The following SLC8A3 variants were observed in gnomAD, a reference collection of about 807,000 sequenced individuals.
SLC8A3 encodes the protein solute carrier family 8 member A3, also known as sodium/calcium exchanger 3.
Under a neutral mutation model 65.4 loss-of-function variants are expected in SLC8A3, and 37 were observed. That is an observed-to-expected ratio of 0.57 (90% CI 0.44 to 0.74). The LOEUF (loss-of-function observed/expected upper bound fraction) is 0.74. Among genes scored for constraint, SLC8A3 ranks in the 30% least tolerant of loss-of-function variants. The probability of loss-of-function intolerance (pLI) is 0.00; values close to 1 mark genes in which losing one functional copy is unlikely to be tolerated. For synonymous variants in SLC8A3, 461 were observed against 444.5 expected (o/e 1.04, Z -0.47); for missense variants, 1,112 against 1,172.1 (o/e 0.95, Z 0.75).
chr14:70,096,032 C>T (rs2140086043), intron 2 of SLC8A3, among the ~76,000 whole-genome samples: 1 of 152,202 alleles, frequency 6.6e-6, no homozygotes, highest in Non-Finnish European at 1.5e-5. Context: ...CAGGTGTGTG[C>T]CACCACGCCC....
intron 2 of SLC8A3, among the ~76,000 whole-genome samples, chr14:70,101,555 G>A (rs1892555048): frequency 1.3e-5 from 2 of 152,148 alleles, no homozygotes; most frequent in African/African-American, 4.8e-5. Context: ...GTTATTCTAA[G>A]AGCAATGGAA....
At chr14:70,077,813 C>T (rs1458387268) in intron 2 of SLC8A3, among the ~76,000 whole-genome samples, 1 of 152,242 alleles carries the variant, frequency 6.6e-6, no homozygotes, top group Non-Finnish European at 1.5e-5. Context: ...TTCCTTTACT[C>T]TTTTGCCTGG....
intron 2 of SLC8A3, among the ~76,000 whole-genome samples, chr14:70,122,440 T>G (rs1894137212): frequency 6.6e-6 from 1 of 152,062 alleles, no homozygotes; most frequent in Non-Finnish European, 1.5e-5. Flanking sequence ...TCTGATGAGC[T>G]CTGATGTCAG....
intron 2 of SLC8A3, among the ~76,000 whole-genome samples, chr14:70,098,175 C>T (rs565602174): frequency 2.0e-5 from 3 of 152,202 alleles, no homozygotes; most frequent in Non-Finnish European, 4.4e-5. Context: ...TGGCAAGTGT[C>T]CATGGGCTTC....
At chr14:70,182,147 C>A (rs1161713834) in intron 1 of SLC8A3, among the ~76,000 whole-genome samples, 1 of 152,010 alleles carries the variant, frequency 6.6e-6, no homozygotes. Flanking sequence ...TTGGAGGTTT[C>A]GAGCCAGGGT....
chr14:70,145,530 C>A (rs1895871886), intron 2 of SLC8A3, among the ~76,000 whole-genome samples: 1 of 152,196 alleles, frequency 6.6e-6, no homozygotes, highest in South Asian at 2.1e-4. Context: ...AGAGATGCTG[C>A]CCTGTTGTAT....
chr14:70,104,074 C>G (rs1188080475), intron 2 of SLC8A3, among the ~76,000 whole-genome samples: 1 of 151,898 alleles, frequency 6.6e-6, no homozygotes, highest in Non-Finnish European at 1.5e-5. Flanking sequence ...ACCAATTCAT[C>G]AGGAAGATAC....
At chr14:70,183,958 G>A (rs1250185198) in intron 1 of SLC8A3, among the ~76,000 whole-genome samples, 1 of 152,220 alleles carries the variant, frequency 6.6e-6, no homozygotes, top group Non-Finnish European at 1.5e-5. Flanking sequence ...CCCCCAGCAA[G>A]CCTTTGTCTC....
At chr14:70,183,196 C>T (rs1181423712) in intron 1 of SLC8A3, among the ~76,000 whole-genome samples, 1 of 152,120 alleles carries the variant, frequency 6.6e-6, no homozygotes, top group African/African-American at 2.4e-5. Flanking sequence ...TTTGTCCTTC[C>T]AAATATCAAG....
At chr14:70,048,598 C>A in intron 6 of SLC8A3, 169 bp downstream of exon 6, 2 of 703,950 alleles carry the variant, frequency 2.8e-6, no homozygotes, top group South Asian at 3.0e-5. Flanking sequence ...TATTAGCTGT[C>A]ATTACTAATG....
Position 70,069,762 on chromosome 14 carries a change from C to G in SLC8A3, c.1785-8823G>C, listed in dbSNP as rs76311599. 5.4e-3 allele frequency among the ~76,000 whole-genome samples: 815 copies of G among 152,306 alleles called. 5 individuals carry two copies. Among genetic ancestry groups the G allele is most frequent in the African/African-American group, 0.018 (759 of 41,556 alleles). On this transcript the variant is annotated intron_variant, in intron 2 of 6. Transcript: ENST00000356921. ...CCTGTTCCATGAGAAGGCTTAGGGT[C>G]TCTAATTGGCGTTCTCTTTAAAATA...
intron 2 of SLC8A3, among the ~76,000 whole-genome samples, chr14:70,137,335 T>C (rs770445910): frequency 2.0e-5 from 3 of 152,002 alleles, no homozygotes; most frequent in Non-Finnish European, 4.4e-5. Flanking sequence ...GTATTTTTAG[T>C]AGGGACAGGG....
At chr14:70,096,485 C>T (rs1892187966) in intron 2 of SLC8A3, among the ~76,000 whole-genome samples, 1 of 152,114 alleles carries the variant, frequency 6.6e-6, no homozygotes, top group Non-Finnish European at 1.5e-5. Flanking sequence ...CAACATTTTC[C>T]CTGGATGTTT....
At chr14:70,064,367 T>A (rs1889168549) in intron 2 of SLC8A3, among the ~76,000 whole-genome samples, 1 of 152,192 alleles carries the variant, frequency 6.6e-6, no homozygotes, top group South Asian at 2.1e-4. Flanking sequence ...TCAGTCTTGC[T>A]TTTGAGACAA....
chr14:70,056,575 A>G (rs996260429), intron 3 of SLC8A3, among the ~76,000 whole-genome samples: 6 of 152,246 alleles, frequency 3.9e-5, no homozygotes, highest in Non-Finnish European at 7.3e-5. Context: ...TCTGCTTAGC[A>G]AAGTCCCTGC....
chr14:70,046,019 G>C lies in SLC8A3; in HGVS notation c.2694C>G (p.Leu898=), dbSNP rs368010189. Residue 898 remains leucine (L), a synonymous_variant, in exon 7 of 7, where the codon CTC becomes CTG. Coordinates refer to ENST00000356921, the MANE Select transcript of SLC8A3 (RefSeq NM_182932.3). The surrounding 1 kb of genome is among the most constrained non-coding windows in gnomAD (Gnocchi z 4.2). ...PRGCKLATTW[L]FVSLWLLYIL... ...TGTAGAGGAGCCACAGGCTCACAAA[G>C]AGCCATGTTGTGGCGAGCTTGCAGC... 3.1e-6 allele frequency: 5 copies of C among 1,613,602 alleles called. No homozygotes were observed.
chr14:70,159,434 C>A (rs888030359), intron 2 of SLC8A3, among the ~76,000 whole-genome samples: 16 of 137,604 alleles, frequency 1.2e-4, no homozygotes, highest in Admixed American at 6.4e-4. Context: ...ACAAAAAAAA[C>A]CCAAACACAA....
chr14:70,082,465 TAAC>T (rs923498825), intron 2 of SLC8A3, among the ~76,000 whole-genome samples: 1 of 152,082 alleles, frequency 6.6e-6, no homozygotes, highest in Non-Finnish European at 1.5e-5. Flanking sequence ...AAATCAACAA[TAAC>T]AACAACAACA....
chr14:70,159,425 C>A (rs111592674), intron 2 of SLC8A3, among the ~76,000 whole-genome samples: 26,072 of 136,428 alleles, frequency 0.19, 2,727 homozygotes, highest in Middle Eastern at 0.24. Context: ...AAAAAAAAAA[C>A]AAAAAAAACC....
Sources: allele counts gnomAD v4.1 joint callset (sites outside exome capture counted in the v4.1 genomes callset), GRCh38; gene constraint gnomAD v4.1.1; non-coding constraint Gnocchi (gnomAD v3.1); transcripts MANE v1.5; gene names NCBI Gene and HGNC (gene_info 2026-07-23, HGNC 2026-07-21).